PXYLP1: variants seen among roughly 807,000 people sequenced by gnomAD.
PXYLP1 encodes acid phosphatase-like 2.
PXYLP1 carries 17 observed loss-of-function variants against 37.9 expected under a neutral mutation model. The ratio of observed to expected loss-of-function variants is 0.45; its 90% confidence interval spans 0.31 to 0.67. PXYLP1 has a LOEUF of 0.67. Among genes scored for constraint, PXYLP1 ranks in the 30% least tolerant of loss-of-function variants. PXYLP1 has a pLI of 0.07. For synonymous variants in PXYLP1, 221 were observed against 232.2 expected (o/e 0.95, Z 0.44); for missense variants, 511 against 612.0 (o/e 0.84, Z 1.74).
chr3:141,268,192 AGAGAGAGAGAGAGAGTGT>A lies in PXYLP1; in HGVS notation c.79+7940_79+7957del, dbSNP rs767699605. On this transcript the variant is annotated intron_variant, in intron 2 of 5. Coordinates refer to ENST00000286353, the MANE Select transcript of PXYLP1 (RefSeq NM_001037172.3). Reference sequence around the variant, plus strand: ...GGGAGAGAGAGAGAGAGAGAGAGAGAGAGAGAGAGAGAGAGTGTGTGTGTGTGTGTGTGTGTGTGTGTG... The same window carrying A: ...GGGAGAGAGAGAGAGAGAGAGAGAGAGTGTGTGTGTGTGTGTGTGTGTGTG... Among the ~76,000 whole-genome samples the A allele has an allele frequency of 9.4e-3, 929 of 98,432 alleles. 3 individuals are homozygous for A. Among genetic ancestry groups the A allele is most frequent in the South Asian group, 0.014 (37 of 2,564 alleles). 64.6% of individuals were successfully genotyped at this position (98,432 alleles called of 152,430 possible). A position where few individuals can be genotyped will look rare whatever the true frequency, so the allele number is the denominator to read the frequency against.
At chr3:141,281,933 G>A (rs1269371328) in intron 4 of PXYLP1, among the ~76,000 whole-genome samples, 2 of 152,312 alleles carry the variant, frequency 1.3e-5, no homozygotes, top group East Asian at 3.9e-4. Context: ...AAGGGAGTAT[G>A]TCCAGGCATG....
At chr3:141,278,783 G>C (rs1877223) in intron 3 of PXYLP1, among the ~76,000 whole-genome samples, 2 of 152,032 alleles carry the variant, frequency 1.3e-5, no homozygotes, top group African/African-American at 4.8e-5. Flanking sequence ...ATGATCTTTA[G>C]TGAGACAGCA....
intron 1 of PXYLP1, among the ~76,000 whole-genome samples, chr3:141,254,152 A>G (rs1223554596): frequency 6.6e-6 from 1 of 152,094 alleles, no homozygotes; most frequent in African/African-American, 2.4e-5. Flanking sequence ...TCCTCAAGTG[A>G]TCTGCCCGCC....
At chr3:141,260,405 G>C in intron 2 of PXYLP1, 151 bp downstream of exon 2, 2 of 875,356 alleles carry the variant, frequency 2.3e-6, no homozygotes, top group Non-Finnish European at 3.4e-6. Context: ...GTTGCAAGGA[G>C]GGATCCTAAA....
intron 1 of PXYLP1, among the ~76,000 whole-genome samples, chr3:141,248,252 C>T (rs1941011207): frequency 6.6e-6 from 1 of 151,672 alleles, no homozygotes; most frequent in Non-Finnish European, 1.5e-5. Context: ...AGGCTGGTCT[C>T]GAACTCCTGA....
chr3:141,289,155 G>C (rs1468252436), intron 5 of PXYLP1, among the ~76,000 whole-genome samples: 1 of 152,070 alleles, frequency 6.6e-6, no homozygotes, highest in African/African-American at 2.4e-5. Flanking sequence ...CCACATGTCA[G>C]GACATGGTTT....
chr3:141,274,601 C>T (rs570019057), intron 2 of PXYLP1: 242 of 846,824 alleles, frequency 2.9e-4, no homozygotes, highest in Admixed American at 5.2e-4. Context: ...GCATGGAGCA[C>T]AGCGTCTGCC....
intron 2 of PXYLP1, among the ~76,000 whole-genome samples, chr3:141,268,987 C>T (rs1302447065): frequency 2.6e-5 from 4 of 152,272 alleles, no homozygotes; most frequent in African/African-American, 9.6e-5. Flanking sequence ...TGCCCGTCCA[C>T]ACCACCCCTA....
intron 1 of PXYLP1, among the ~76,000 whole-genome samples, chr3:141,254,014 C>T (rs1018380968): frequency 1.3e-5 from 2 of 152,040 alleles, no homozygotes; most frequent in African/African-American, 2.4e-5. Flanking sequence ...GGGGCTCAAG[C>T]GATTCTCATG....
intron 2 of PXYLP1, among the ~76,000 whole-genome samples, chr3:141,271,242 G>A (rs904429536): frequency 6.6e-6 from 1 of 152,148 alleles, no homozygotes; most frequent in African/African-American, 2.4e-5. Context: ...AGGTAACAGA[G>A]CCAGGACATG....
intron 4 of PXYLP1, among the ~76,000 whole-genome samples, chr3:141,282,864 G>A (rs956249397): frequency 8.5e-5 from 13 of 152,354 alleles, no homozygotes; most frequent in South Asian, 4.1e-4. Flanking sequence ...CCTGGAATTA[G>A]AGAACACAGA....
intron 2 of PXYLP1, among the ~76,000 whole-genome samples, chr3:141,276,806 A>G (rs1298047593): frequency 6.6e-6 from 1 of 152,238 alleles, no homozygotes; most frequent in Non-Finnish European, 1.5e-5. Flanking sequence ...CACCCTTCCC[A>G]ATATTGAGTG....
At chr3:141,251,810 G>A (rs1285664021) in intron 1 of PXYLP1, among the ~76,000 whole-genome samples, 2 of 152,192 alleles carry the variant, frequency 1.3e-5, no homozygotes, top group African/African-American at 4.8e-5. Flanking sequence ...CTCTGGCATG[G>A]TCTAGTGGAG....
At chr3:141,236,083 C>T (rs1245159733) in intron 1 of PXYLP1, among the ~76,000 whole-genome samples, 2 of 152,224 alleles carry the variant, frequency 1.3e-5, no homozygotes, top group Non-Finnish European at 2.9e-5. Flanking sequence ...ACCTCATTCC[C>T]TTGGCCCACA....
At chr3:141,290,927 C>T (rs1942186893) in intron 5 of PXYLP1, among the ~76,000 whole-genome samples, 1 of 152,172 alleles carries the variant, frequency 6.6e-6, no homozygotes, top group Admixed American at 6.5e-5. Context: ...CCGCAGTGAA[C>T]TAGGGTGAGA....
Position 141,287,464 on chromosome 3 carries a change from C to A in PXYLP1, c.505+11C>A. On this transcript the variant is annotated intron_variant, in intron 5 of 5. Transcript: ENST00000286353. ...AGCTCACACAGACAGGTATGTGTGA[C>A]CCCCATGCGCTCAGGGGTTCCCCCA... 6.2e-7 allele frequency: 1 copy of A among 1,610,872 alleles called. No homozygotes were observed. The highest frequency in any genetic ancestry group is 8.5e-7 in the Non-Finnish European group (1 of 1,178,136).
chr3:141,236,803 T>C (rs1051952480), intron 1 of PXYLP1, among the ~76,000 whole-genome samples: 6 of 152,214 alleles, frequency 3.9e-5, no homozygotes, highest in Non-Finnish European at 1.5e-5. Context: ...GAACAAATTT[T>C]TGGAAGCTCA....
At chr3:141,266,636 GGA>G (rs71906693) in intron 2 of PXYLP1, among the ~76,000 whole-genome samples, 6,789 of 146,930 alleles carry the variant, frequency 0.046, 300 homozygotes, top group Admixed American at 0.13. Context: ...TGTGAGAGAG[GGA>G]GAGACAGAGG....
intron 2 of PXYLP1, among the ~76,000 whole-genome samples, chr3:141,268,198 AGAGAGAGAGTGTGT>A (rs754289136): frequency 0.015 from 677 of 44,286 alleles, 4 homozygotes; most frequent in African/African-American, 0.028. Context: ...AGAGAGAGAG[AGAGAGAGAGTGTGT>A]GTGTGTGTGT....
Sources: gnomAD v4.1 joint callset for allele counts (sites outside exome capture counted in the v4.1 genomes callset) on GRCh38, gnomAD v4.1.1 for gene constraint, MANE v1.5 for transcripts, NCBI Gene and HGNC (gene_info 2026-07-23, HGNC 2026-07-21) for gene names.